ELAPOR2: variants seen among roughly 807,000 people sequenced by gnomAD.
ELAPOR2 encodes endosome/lysosome-associated apoptosis and autophagy regulator family member 2.
In ELAPOR2, 89 loss-of-function variants were observed where a neutral mutation model predicts 120.7. That is an observed-to-expected ratio of 0.74 (90% CI 0.62 to 0.88). The LOEUF is 0.88. Among genes scored for constraint, ELAPOR2 ranks in the 40% least tolerant of loss-of-function variants. The pLI, the probability that ELAPOR2 is intolerant of heterozygous loss-of-function variation, is 0.00. For missense variants in ELAPOR2, 1,134 were observed against 1,251.6 expected, an observed-to-expected ratio of 0.91 and a Z score of 1.42; for synonymous variants, 444 against 444.9, an observed-to-expected ratio of 1.00 and a Z score of 0.03.
chr7:86,989,072 A>G (rs980939218), intron 1 of ELAPOR2, among the ~76,000 whole-genome samples: 2 of 152,262 alleles, frequency 1.3e-5, no homozygotes, highest in African/African-American at 4.8e-5. Context: ...TCCTTCATAA[A>G]TAATAAAATA....
Position 87,041,281 on chromosome 7 carries a change from C to T in ELAPOR2, c.189+18044G>A, listed in dbSNP as rs554935913. Among the ~76,000 whole-genome samples, 319 of 151,898 alleles carry T rather than the reference C, an allele frequency of 2.1e-3. 1 individual carries two copies. The highest frequency in any genetic ancestry group is 3.4e-3 in the Middle Eastern group (1 of 294). On this transcript the variant is annotated intron_variant, in intron 1 of 21. Transcript: ENST00000450689. ...CAGAGAACGCCACAAAGATACTCCT[C>T]GAGAAGAGCAACTCCAAGACACATA...
At chr7:86,920,604 T>G (rs1789785882) in intron 10 of ELAPOR2, among the ~76,000 whole-genome samples, 1 of 152,062 alleles carries the variant, frequency 6.6e-6, no homozygotes, top group African/African-American at 2.4e-5. Context: ...AGAGCTAAGT[T>G]TGGAGGATTA....
chr7:86,924,102 C>T (rs1789950540), intron 10 of ELAPOR2, among the ~76,000 whole-genome samples: 1 of 152,026 alleles, frequency 6.6e-6, no homozygotes, highest in Non-Finnish European at 1.5e-5. Flanking sequence ...AGGTTGGCTA[C>T]TGGACCAGCC....
chr7:86,948,417 G>T (rs1224245933), intron 2 of ELAPOR2, among the ~76,000 whole-genome samples: 1 of 152,180 alleles, frequency 6.6e-6, no homozygotes, highest in Non-Finnish European at 1.5e-5. Context: ...CTTATAAGTT[G>T]ATGTGAGATT....
chr7:87,058,368 C>T (rs909662546), intron 1 of ELAPOR2, among the ~76,000 whole-genome samples: 19 of 152,202 alleles, frequency 1.2e-4, no homozygotes, highest in Admixed American at 2.6e-4. Flanking sequence ...AACAATCTTC[C>T]TAAAAACAGT....
intron 1 of ELAPOR2, among the ~76,000 whole-genome samples, chr7:86,998,717 C>T (rs1793207905): frequency 6.6e-6 from 1 of 152,214 alleles, no homozygotes; most frequent in African/African-American, 2.4e-5. Flanking sequence ...AACTAGTTCA[C>T]TTTCAGGGTT....
At chr7:87,031,449 A>T (rs1794420639) in intron 1 of ELAPOR2, among the ~76,000 whole-genome samples, 1 of 152,204 alleles carries the variant, frequency 6.6e-6, no homozygotes, top group Admixed American at 6.5e-5. Flanking sequence ...ACATGCATTC[A>T]TTAATTGATA....
chr7:87,041,069 A>C (rs573837502), intron 1 of ELAPOR2, among the ~76,000 whole-genome samples: 3 of 152,302 alleles, frequency 2.0e-5, no homozygotes, highest in Admixed American at 2.0e-4. Flanking sequence ...GAGAAAAAAG[A>C]ATAAAAAGAA....
chr7:86,912,789 C>T (rs1789375517), intron 14 of ELAPOR2, 152 bp downstream of exon 14: 1 of 879,388 alleles, frequency 1.1e-6, no homozygotes, highest in South Asian at 1.9e-5. Context: ...TTAATAAACG[C>T]AAGAAGGGAG....
chr7:87,059,566 C>A lies in ELAPOR2; in HGVS notation c.-53G>T. ...GCGGCAAGGCAGCCTTCCCGGGGTG[C>A]GGCGGCAGCTCCGGCTCCCGGGCCG... On this transcript the variant is annotated 5_prime_UTR_variant, in exon 1 of 22. Coordinates refer to ENST00000450689, the MANE Select transcript of ELAPOR2 (RefSeq NM_001142749.3). 8.7e-6 allele frequency: 10 copies of A among 1,150,332 alleles called. No individual in the cohort carries two copies. Among genetic ancestry groups the A allele is most frequent in the Non-Finnish European group, 1.1e-5 (10 of 936,398 alleles). The allele number at this position is 1,150,332 out of a possible 1,614,324, so 71.3% of individuals were successfully genotyped here.
At chr7:86,968,308 T>C (rs754157397) in intron 1 of ELAPOR2, among the ~76,000 whole-genome samples, 5 of 152,160 alleles carry the variant, frequency 3.3e-5, no homozygotes, top group Non-Finnish European at 7.3e-5. Flanking sequence ...AAAAAGTAGA[T>C]TATTTCTCAT....
intron 2 of ELAPOR2, among the ~76,000 whole-genome samples, chr7:86,954,899 C>T (rs961182038): frequency 2.0e-5 from 3 of 151,368 alleles, no homozygotes; most frequent in Admixed American, 6.6e-5. Flanking sequence ...GATGCTCTTG[C>T]AACTGTTCTT....
chr7:86,950,939 C>T (rs1791218867), intron 2 of ELAPOR2, among the ~76,000 whole-genome samples: 1 of 152,198 alleles, frequency 6.6e-6, no homozygotes, highest in African/African-American at 2.4e-5. Context: ...AAGCTATTAT[C>T]ACTACCAGCA....
Position 87,059,351 on chromosome 7 carries a change from TGGA to T in ELAPOR2, c.160_162del (p.Ser55del), listed in dbSNP as rs1163883833. On this transcript the variant is annotated inframe_deletion, in exon 1 of 22. Transcript: ENST00000450689. Reference sequence around the variant, plus strand: ...TCCTGGCAAGGAGGAAGCGGGCGGCTGGAGGAGGAGGGCAGGTCCCCAGCCCAG... The same window carrying T: ...TCCTGGCAAGGAGGAAGCGGGCGGCTGGAGGAGGGCAGGTCCCCAGCCCAG... The T allele has an allele frequency of 2.4e-6, 3 of 1,247,756 alleles. No individual in the cohort carries two copies. The highest frequency in any genetic ancestry group is 3.0e-6 in the Non-Finnish European group (3 of 988,610). The allele number at this position is 1,247,756 out of a possible 1,614,324, so 77.3% of individuals were successfully genotyped here. A position where few individuals can be genotyped will look rare whatever the true frequency, so the allele number is the denominator to read the frequency against.
chr7:87,049,892 T>C (rs1795053631), intron 1 of ELAPOR2, among the ~76,000 whole-genome samples: 1 of 152,148 alleles, frequency 6.6e-6, no homozygotes, highest in East Asian at 1.9e-4. Context: ...AGGTATTGGT[T>C]CATGAGGGCT....
At chr7:86,894,862 A>G (rs1177634681) in intron 19 of ELAPOR2, among the ~76,000 whole-genome samples, 1 of 152,064 alleles carries the variant, frequency 6.6e-6, no homozygotes, top group African/African-American at 2.4e-5. Flanking sequence ...TGCATGACAT[A>G]TAGAAGTAAT....
At chr7:86,891,949 AC>A in intron 20 of ELAPOR2, 60 bp from the exon 21 acceptor site, 1 of 1,132,418 alleles carries the variant, frequency 8.8e-7, no homozygotes, top group Non-Finnish European at 1.2e-6. Context: ...ATAAATAAAT[AC>A]TTATTTTAGG....
chr7:86,983,021 C>T (rs4260835), intron 1 of ELAPOR2, among the ~76,000 whole-genome samples: 57,287 of 151,660 alleles, frequency 0.38, 11,592 homozygotes, highest in African/African-American at 0.53. Flanking sequence ...AACCATGGCA[C>T]GAGAATGACG....
intron 1 of ELAPOR2, among the ~76,000 whole-genome samples, chr7:87,007,534 T>C (rs1019639579): frequency 1.3e-5 from 2 of 152,194 alleles, no homozygotes; most frequent in Admixed American, 1.3e-4. Context: ...ATTTTCTAGA[T>C]TTATCTACTT....
Sources: gnomAD v4.1 joint callset for allele counts (sites outside exome capture counted in the v4.1 genomes callset) on GRCh38, gnomAD v4.1.1 for gene constraint, MANE v1.5 for transcripts, NCBI Gene and HGNC (gene_info 2026-07-23, HGNC 2026-07-21) for gene names.